The following KIF9 variants were observed in gnomAD, a reference collection of about 807,000 sequenced individuals.
KIF9 encodes the protein kinesin-like protein KIF9.
KIF9 carries 68 observed loss-of-function variants against 94.8 expected under a neutral mutation model. That is an observed-to-expected ratio of 0.72 (90% CI 0.59 to 0.88). KIF9 has a LOEUF of 0.88. Ranked by LOEUF, KIF9 falls within the 40% of genes least tolerant of loss-of-function variation. The probability of loss-of-function intolerance (pLI) is 0.00; values close to 1 mark genes in which losing one functional copy is unlikely to be tolerated. For missense variants in KIF9, 882 were observed against 982.5 expected, an observed-to-expected ratio of 0.90 and a Z score of 1.37; for synonymous variants, 343 against 362.1, an observed-to-expected ratio of 0.95 and a Z score of 0.60.
intron 9 of KIF9, among the ~76,000 whole-genome samples, chr3:47,261,259 ATC>A: frequency 1.3e-5 from 2 of 152,314 alleles, no homozygotes; most frequent in South Asian, 4.1e-4. Context: ...GGAAAGATAA[ATC>A]TCTGCATAGA....
At chr3:47,243,702 C>T (rs1260523813) in intron 15 of KIF9, 1 of 152,874 alleles carries the variant, frequency 6.5e-6, no homozygotes, top group Non-Finnish European at 1.5e-5. Context: ...TGGTCCACAC[C>T]CTGTTCTCCA....
intron 5 of KIF9, among the ~76,000 whole-genome samples, chr3:47,270,047 C>T (rs531282172): frequency 5.6e-4 from 85 of 152,084 alleles, no homozygotes; most frequent in African/African-American, 1.7e-3. Flanking sequence ...GGATTACAGG[C>T]ATGAGCCACC....
At chr3:47,242,566 G>C (rs1699645724) in intron 16 of KIF9, among the ~76,000 whole-genome samples, 1 of 152,166 alleles carries the variant, frequency 6.6e-6, no homozygotes, top group Non-Finnish European at 1.5e-5. Context: ...CCTTTCCCTA[G>C]TGTTGGCTAC....
chr3:47,243,016 T>C, intron 16 of KIF9, 35 bp downstream of exon 16: 1 of 1,543,938 alleles, frequency 6.5e-7, no homozygotes, highest in Non-Finnish European at 8.9e-7. Flanking sequence ...ATGGTTTTGT[T>C]TGATCTGGTG....
intron 1 of KIF9, among the ~76,000 whole-genome samples, chr3:47,279,193 C>T (rs1013993392): frequency 2.0e-5 from 3 of 148,142 alleles, no homozygotes; most frequent in African/African-American, 7.5e-5. Context: ...CTAACGTGGG[C>T]CAAGTGCGTT....
At chr3:47,247,551 T>A in intron 11 of KIF9, 74 bp from the exon 12 acceptor site, 2 of 1,191,144 alleles carry the variant, frequency 1.7e-6, no homozygotes, top group South Asian at 2.5e-5. Flanking sequence ...GGGGCCATTC[T>A]GAGAGGCAAA....
intron 17 of KIF9, chr3:47,238,279 A>T (rs561028913): frequency 9.9e-5 from 15 of 152,272 alleles, no homozygotes; most frequent in African/African-American, 3.1e-4. Context: ...GTGCTGTAAC[A>T]TGATCATGGC....
At chr3:47,235,842 T>G (rs1257204846) in intron 19 of KIF9, among the ~76,000 whole-genome samples, 192 bp downstream of exon 19, 1 of 152,170 alleles carries the variant, frequency 6.6e-6, no homozygotes, top group Non-Finnish European at 1.5e-5. Flanking sequence ...GTGGCAGTAG[T>G]AAGAGTGGTA....
intron 2 of KIF9, 45 bp downstream of exon 2, chr3:47,277,237 G>A: frequency 7.2e-7 from 1 of 1,391,536 alleles, no homozygotes; most frequent in East Asian, 2.3e-5. Flanking sequence ...TAGCAAGGTG[G>A]GACAGAGAGG....
chr3:47,276,394 A>G (rs1701968174), intron 2 of KIF9, among the ~76,000 whole-genome samples: 1 of 152,016 alleles, frequency 6.6e-6, no homozygotes, highest in East Asian at 1.9e-4. Flanking sequence ...CGTCTCTACT[A>G]AAAATACAAA....
chr3:47,275,571 A>C (rs1701914666), intron 2 of KIF9, 81 bp from the exon 3 acceptor site: 2 of 1,032,694 alleles, frequency 1.9e-6, no homozygotes, highest in South Asian at 1.4e-5. Context: ...GCTGAGGCCT[A>C]ATCTGGAGGG....
chr3:47,243,209 C>A lies in KIF9; in HGVS notation c.1551G>T (p.Val517=). ...LARKEGASSP[V]NGKDLDYVST... ...AAACGTAATCCAAGTCCTTCCCATT[C>A]ACAGGGCTGCTGGCACCTTCCTTTC... Residue 517 remains valine (V), a synonymous_variant, in exon 16 of 21, where the codon GTG becomes GTT. Transcript: ENST00000684063. The A allele has an allele frequency of 6.2e-7, 1 of 1,612,820 alleles. No homozygotes were observed. The highest frequency in any genetic ancestry group is 8.5e-7 in the Non-Finnish European group (1 of 1,179,172).
chr3:47,230,899 A>T (rs959214791), intron 20 of KIF9, among the ~76,000 whole-genome samples: 2 of 147,690 alleles, frequency 1.4e-5, no homozygotes, highest in Non-Finnish European at 3.0e-5. Flanking sequence ...TTAGCCAGGC[A>T]TGGTGGCGCA....
intron 1 of KIF9, among the ~76,000 whole-genome samples, chr3:47,278,762 A>G (rs1015262931): frequency 2.6e-5 from 4 of 152,092 alleles, no homozygotes; most frequent in African/African-American, 9.7e-5. Flanking sequence ...ACCTGAGGTC[A>G]GGAGTTCAAG....
intron 17 of KIF9, among the ~76,000 whole-genome samples, chr3:47,237,523 T>C (rs928636562): frequency 2.6e-5 from 4 of 152,204 alleles, no homozygotes; most frequent in Admixed American, 2.0e-4. Context: ...GTCAGTTCAG[T>C]GACAGTTGTT....
chr3:47,231,501 C>T (rs988342625), intron 20 of KIF9, among the ~76,000 whole-genome samples: 3 of 148,270 alleles, frequency 2.0e-5, no homozygotes, highest in Admixed American at 6.9e-5. Context: ...ACCTCCACCT[C>T]CCTGGTTTAA....
chr3:47,277,310 T>A lies in KIF9; in HGVS notation c.65A>T (p.Glu22Val). Residue 22 changes from glutamate to valine, a missense_variant, in exon 2 of 21, where the codon GAA becomes GTA. Transcript: ENST00000684063. ...TTTGTCATCTCCGTATCTGATCATT[T>A]CATGAGCAAAGTCATCGGTGGGTTT... ...RVKPTDDFAH[E>V]MIRYGDDKRS... 1 of 1,614,072 alleles carries A rather than the reference T, an allele frequency of 6.2e-7. No homozygotes were observed. Among genetic ancestry groups the A allele is most frequent in the Non-Finnish European group, 8.5e-7 (1 of 1,179,930 alleles).
chr3:47,257,295 A>T (rs1700683206), intron 10 of KIF9, among the ~76,000 whole-genome samples, 188 bp downstream of exon 10: 1 of 152,192 alleles, frequency 6.6e-6, no homozygotes, highest in Non-Finnish European at 1.5e-5. Context: ...CTTTTACCCC[A>T]TGACAGCCCC....
chr3:47,271,501 C>A, intron 4 of KIF9, 40 bp from the exon 5 acceptor site: 1 of 1,493,404 alleles, frequency 6.7e-7, no homozygotes, highest in Non-Finnish European at 9.3e-7. Flanking sequence ...AGAGCAGAAC[C>A]CCAACAGCCA....
Sources: allele counts gnomAD v4.1 joint callset (sites outside exome capture counted in the v4.1 genomes callset), GRCh38; gene constraint gnomAD v4.1.1; transcripts MANE v1.5; gene names NCBI Gene and HGNC (gene_info 2026-07-23, HGNC 2026-07-21).